The following SSH2 variants were observed in gnomAD, a reference collection of about 807,000 sequenced individuals.
SSH2 encodes slingshot protein phosphatase 2, also known as protein phosphatase Slingshot homolog 2.
Under a neutral mutation model 135.2 loss-of-function variants are expected in SSH2, and 37 were observed. That is an observed-to-expected ratio of 0.27 (90% CI 0.21 to 0.36). The LOEUF is 0.36. SSH2 is among the 10% of genes least tolerant of loss of function. The pLI is 1.00. For missense variants in SSH2, 1,408 were observed against 1,765.3 expected (o/e 0.80, Z 3.63); for synonymous variants, 628 against 646.2 (o/e 0.97, Z 0.43).
chr17:29,787,437 G>A (rs897229267), intron 3 of SSH2: 2 of 152,122 alleles, frequency 1.3e-5, no homozygotes, highest in Non-Finnish European at 1.5e-5. Context: ...CTATGAACAC[G>A]GGTGTATGAA....
At chr17:29,827,949 C>T (rs919695358) in intron 2 of SSH2, among the ~76,000 whole-genome samples, 1 of 152,132 alleles carries the variant, frequency 6.6e-6, no homozygotes, top group Non-Finnish European at 1.5e-5. Flanking sequence ...CCTGCCATAG[C>T]TGGGTTAAGC....
In SSH2 at chr17:29,929,926, G is replaced by C. The variant is rs760064584; in HGVS notation, c.63+12C>G. 3 of 1,591,728 alleles carry C rather than the reference G, an allele frequency of 1.9e-6. No homozygotes were observed. Among genetic ancestry groups the C allele is most frequent in the Non-Finnish European group, 1.7e-6 (2 of 1,170,012 alleles). Reference sequence around the variant, plus strand: ...ACAGAAGCAAGCGGAGCGGCCGCCAGGAAGGACTCACCGAGGCGCAGGGGC... The same window carrying C: ...ACAGAAGCAAGCGGAGCGGCCGCCACGAAGGACTCACCGAGGCGCAGGGGC... On this transcript the variant is annotated intron_variant, in intron 1 of 15. Transcript: ENST00000540801.
chr17:29,774,140 AAG>A (rs1203266058), intron 3 of SSH2, among the ~76,000 whole-genome samples: 1 of 152,248 alleles, frequency 6.6e-6, no homozygotes, highest in Non-Finnish European at 1.5e-5. Flanking sequence ...ATAAGATCAG[AAG>A]AGACAAAAAA....
chr17:29,743,745 A>G (rs1022147836), intron 3 of SSH2, among the ~76,000 whole-genome samples: 5 of 152,230 alleles, frequency 3.3e-5, no homozygotes, highest in Non-Finnish European at 7.3e-5. Context: ...CTAGTCTACT[A>G]CATTATTCAC....
chr17:29,840,757 C>T (rs2043026090), intron 2 of SSH2, among the ~76,000 whole-genome samples: 1 of 152,156 alleles, frequency 6.6e-6, no homozygotes, highest in Non-Finnish European at 1.5e-5. Context: ...CTCTACTTGG[C>T]ACAGATAATG....
chr17:29,831,542 T>C (rs2042843714), intron 2 of SSH2, among the ~76,000 whole-genome samples: 2 of 152,118 alleles, frequency 1.3e-5, no homozygotes, highest in African/African-American at 4.8e-5. Context: ...TTGACACTTC[T>C]TGCCATCTCA....
intron 3 of SSH2, 33 bp from the exon 4 acceptor site, chr17:29,703,095 C>T (rs768852697): frequency 1.3e-6 from 2 of 1,481,768 alleles, no homozygotes; most frequent in Non-Finnish European, 1.9e-6. Flanking sequence ...AAATAAATTA[C>T]TTAGGAAAGG....
chr17:29,748,748 A>C (rs1897738696), intron 3 of SSH2, among the ~76,000 whole-genome samples: 1 of 152,220 alleles, frequency 6.6e-6, no homozygotes, highest in African/African-American at 2.4e-5. Context: ...CTTGGTTCTA[A>C]GCTTTAAAAT....
chr17:29,725,366 A>AAAAAAAAAC (rs1272956300), intron 3 of SSH2, among the ~76,000 whole-genome samples: 1 of 151,080 alleles, frequency 6.6e-6, no homozygotes, highest in Non-Finnish European at 1.5e-5. Context: ...AAAAAAAAAA[A>AAAAAAAAAC]AAAGCCAGGG....
chr17:29,830,381 C>T (rs2042824149), intron 2 of SSH2, among the ~76,000 whole-genome samples: 1 of 152,124 alleles, frequency 6.6e-6, no homozygotes, highest in Non-Finnish European at 1.5e-5. Flanking sequence ...TACCATTTCC[C>T]CAAGAAAGCT....
At chr17:29,861,534 G>A (rs912796716) in intron 1 of SSH2, among the ~76,000 whole-genome samples, 8 of 151,714 alleles carry the variant, frequency 5.3e-5, no homozygotes, top group African/African-American at 1.5e-4. Flanking sequence ...GGACTCTACT[G>A]GAGGCCATTA....
intron 1 of SSH2, among the ~76,000 whole-genome samples, chr17:29,905,856 T>C (rs2151465911): frequency 6.6e-6 from 1 of 152,274 alleles, no homozygotes. Flanking sequence ...CAGCCAGAGC[T>C]GAGCAGACAA....
chr17:29,799,529 T>A (rs1435857034), intron 2 of SSH2, among the ~76,000 whole-genome samples: 2 of 152,216 alleles, frequency 1.3e-5, no homozygotes, highest in East Asian at 3.8e-4. Flanking sequence ...ACTAATGAGG[T>A]TGGGCATCCT....
intron 3 of SSH2, among the ~76,000 whole-genome samples, chr17:29,738,058 C>G (rs966500057): frequency 2.6e-5 from 4 of 152,192 alleles, no homozygotes; most frequent in Admixed American, 2.6e-4. Context: ...GGTATATCTC[C>G]TAATGCTATC....
At chr17:29,727,031 CAT>C (rs1567920840) in intron 3 of SSH2, among the ~76,000 whole-genome samples, 3 of 152,340 alleles carry the variant, frequency 2.0e-5, no homozygotes, top group African/African-American at 7.2e-5. Context: ...TGTTATCACA[CAT>C]GTCTATATCA....
chr17:29,915,837 A>T (rs909236990), intron 1 of SSH2, among the ~76,000 whole-genome samples: 16 of 151,530 alleles, frequency 1.1e-4, no homozygotes, highest in South Asian at 2.1e-4. Context: ...TTATATATAT[A>T]TTTTTATTAT....
intron 1 of SSH2, among the ~76,000 whole-genome samples, chr17:29,915,737 C>T (rs2151479923): frequency 6.6e-6 from 1 of 151,824 alleles, no homozygotes; most frequent in Non-Finnish European, 1.5e-5. Context: ...AAAGACTTTG[C>T]TGTGGAAATT....
At chr17:29,816,603 G>C (rs1007265751) in intron 2 of SSH2, among the ~76,000 whole-genome samples, 1 of 151,906 alleles carries the variant, frequency 6.6e-6, no homozygotes, top group African/African-American at 2.4e-5. Context: ...AAGATTCCTA[G>C]GTCTAATTCC....
chr17:29,722,798 T>C (rs1330684162), intron 3 of SSH2, among the ~76,000 whole-genome samples: 1 of 152,208 alleles, frequency 6.6e-6, no homozygotes, highest in East Asian at 1.9e-4. Flanking sequence ...TTGCGTAAGC[T>C]AAATTTTCAG....
Sources: gnomAD v4.1 joint callset for allele counts (sites outside exome capture counted in the v4.1 genomes callset) on GRCh38, gnomAD v4.1.1 for gene constraint, MANE v1.5 for transcripts, NCBI Gene and HGNC (gene_info 2026-07-23, HGNC 2026-07-21) for gene names.